The following TCERG1L variants were observed in gnomAD, a reference collection of about 807,000 sequenced individuals.
The protein encoded by TCERG1L is transcription elongation regulator 1 like, also known as transcription elongation regulator 1-like protein.
A neutral mutation model predicts 56.3 loss-of-function variants in TCERG1L; 37 were observed. That is an observed-to-expected ratio of 0.66 (90% CI 0.51 to 0.87). The LOEUF is 0.87. TCERG1L is among the 40% of genes least tolerant of loss of function. The probability of loss-of-function intolerance (pLI) is 0.00; values close to 1 mark genes in which losing one functional copy is unlikely to be tolerated. For missense variants in TCERG1L, 799 were observed against 774.2 expected, an observed-to-expected ratio of 1.03 and a Z score of -0.38; for synonymous variants, 324 against 326.3, an observed-to-expected ratio of 0.99 and a Z score of 0.08.
intron 4 of TCERG1L, among the ~76,000 whole-genome samples, chr10:131,236,442 A>G (rs1430864471): frequency 1.3e-5 from 2 of 152,152 alleles, no homozygotes; most frequent in Non-Finnish European, 2.9e-5. Context: ...GGGGCCACAA[A>G]CCGCATGATG....
intron 4 of TCERG1L, among the ~76,000 whole-genome samples, chr10:131,244,335 A>G (rs1339563055): frequency 6.6e-6 from 1 of 152,182 alleles, no homozygotes; most frequent in Non-Finnish European, 1.5e-5. Flanking sequence ...CACATGGAAC[A>G]GGCACGTGCT....
intron 9 of TCERG1L, among the ~76,000 whole-genome samples, chr10:131,105,445 G>C (rs1428186197): frequency 6.6e-6 from 1 of 152,132 alleles, no homozygotes; most frequent in Non-Finnish European, 1.5e-5. Flanking sequence ...TGTCCTGGGG[G>C]GGATACTCCT....
intron 4 of TCERG1L, among the ~76,000 whole-genome samples, chr10:131,177,558 G>A (rs11017794): frequency 0.034 from 5,230 of 152,312 alleles, 181 homozygotes; most frequent in South Asian, 0.08. Context: ...GTGTCCCGAA[G>A]TGCAGCATGC....
In TCERG1L at chr10:131,103,733, T is replaced by C. The variant is rs1845324841; in HGVS notation, c.1485+532A>G. Among the ~76,000 whole-genome samples, 1 of 152,190 alleles carries C rather than the reference T, an allele frequency of 6.6e-6. No homozygotes were observed. The highest frequency in any genetic ancestry group is 6.5e-5 in the Admixed American group (1 of 15,278). On this transcript the variant is annotated intron_variant, in intron 10 of 11. Coordinates refer to ENST00000368642, the MANE Select transcript of TCERG1L (RefSeq NM_174937.4). This position sits in a 1 kb window ranked among gnomAD's most constrained non-coding sequence, Gnocchi z 4.3. ...ATAAAATAAAAGGTTTTGACGGCCTTGTGTGCAAGACTGTGGTTCTTGTAG... is the reference window on the plus strand; with the variant it reads ...ATAAAATAAAAGGTTTTGACGGCCTCGTGTGCAAGACTGTGGTTCTTGTAG...
At chr10:131,291,401 CTTTTTTTTTTTTTTTTTTTTTTTTT>C (rs71009957) in intron 3 of TCERG1L, among the ~76,000 whole-genome samples, 88 of 36,588 alleles carry the variant, frequency 2.4e-3, no homozygotes, top group South Asian at 0.014. Context: ...AACAGCATTT[CTTTTTTTTTTTTTTTTTTTTTTTTT>C]TTTTTTTTTT....
chr10:131,229,460 G>A (rs938216322), intron 4 of TCERG1L, among the ~76,000 whole-genome samples: 5 of 152,152 alleles, frequency 3.3e-5, no homozygotes, highest in Admixed American at 1.3e-4. Context: ...ATAGGTCTCC[G>A]AAATGCCCCT....
Position 131,311,655 on chromosome 10 carries a change from G to A in TCERG1L, c.-20C>T, listed in dbSNP as rs953075959. ...CTGCATCCTACATCCCCGCGCTGACGGCGGCGGCGGGGGCGGCGGGCGCCC... is the reference window on the plus strand; with the variant it reads ...CTGCATCCTACATCCCCGCGCTGACAGCGGCGGCGGGGGCGGCGGGCGCCC... On this transcript the variant is annotated 5_prime_UTR_variant, in exon 1 of 12. Coordinates refer to ENST00000368642, the MANE Select transcript of TCERG1L (RefSeq NM_174937.4). This position sits in a 1 kb window ranked among gnomAD's most constrained non-coding sequence, Gnocchi z 4.0. The A allele has an allele frequency of 5.4e-6, 6 of 1,102,378 alleles. No homozygotes were observed. The African/African-American group carries it at 8.4e-5, about 15-fold the overall frequency. 68.3% of individuals were successfully genotyped at this position (1,102,378 alleles called of 1,614,324 possible).
chr10:131,141,956 C>T (rs1020875815), intron 7 of TCERG1L, among the ~76,000 whole-genome samples: 1 of 152,210 alleles, frequency 6.6e-6, no homozygotes, highest in African/African-American at 2.4e-5. Flanking sequence ...GCACCGGCTG[C>T]CCTGCAAGCT....
intron 10 of TCERG1L, among the ~76,000 whole-genome samples, chr10:131,102,529 C>T (rs569648304): frequency 6.6e-6 from 1 of 152,290 alleles, no homozygotes; most frequent in Admixed American, 6.5e-5. Context: ...AATTCCCATA[C>T]CCTCCGTCTG....
At chr10:131,202,221 C>T (rs1845445782) in intron 4 of TCERG1L, among the ~76,000 whole-genome samples, 2 of 152,208 alleles carry the variant, frequency 1.3e-5, no homozygotes, top group Non-Finnish European at 2.9e-5. Flanking sequence ...TAGAAACAGA[C>T]TGATGCCCCC....
chr10:131,291,409 T>C (rs1846623635), intron 3 of TCERG1L, among the ~76,000 whole-genome samples: 2 of 47,820 alleles, frequency 4.2e-5, no homozygotes, highest in African/African-American at 2.4e-4. Flanking sequence ...TTCTTTTTTT[T>C]TTTTTTTTTT....
At chr10:131,209,103 A>C (rs1374991666) in intron 4 of TCERG1L, among the ~76,000 whole-genome samples, 1 of 152,104 alleles carries the variant, frequency 6.6e-6, no homozygotes, top group Non-Finnish European at 1.5e-5. Context: ...TTCAGGTACA[A>C]AATTAATAAA....
At chr10:131,099,352 T>C (rs1440492781) in intron 10 of TCERG1L, among the ~76,000 whole-genome samples, 1 of 152,276 alleles carries the variant, frequency 6.6e-6, no homozygotes, top group Non-Finnish European at 1.5e-5. Context: ...AATGGTCATT[T>C]ATAGACTACG....
chr10:131,103,552 G>C lies in TCERG1L; in HGVS notation c.1485+713C>G, dbSNP rs1484122645. The stretch of plus-strand genomic sequence containing the variant: ...CAAAAAGTACAAAAATTAGCCAGGC[G>C]TGGTGGCTGGAGCCTGTAGTCTCAG... On this transcript the variant is annotated intron_variant, in intron 10 of 11. Transcript: ENST00000368642. This position sits in a 1 kb window ranked among gnomAD's most constrained non-coding sequence, Gnocchi z 4.3. 6.6e-6 allele frequency among the ~76,000 whole-genome samples: 1 copy of C among 152,164 alleles called. No homozygotes were observed. Among genetic ancestry groups the C allele is most frequent in the African/African-American group, 2.4e-5 (1 of 41,446 alleles).
intron 4 of TCERG1L, among the ~76,000 whole-genome samples, chr10:131,215,546 G>A (rs147459080): frequency 1.3e-5 from 2 of 152,244 alleles, no homozygotes; most frequent in African/African-American, 2.4e-5. Context: ...ATCTGCACCC[G>A]GCTGGAGGAG....
At chr10:131,122,293 G>A (rs1281554524) in intron 8 of TCERG1L, among the ~76,000 whole-genome samples, 1 of 152,146 alleles carries the variant, frequency 6.6e-6, no homozygotes, top group Non-Finnish European at 1.5e-5. Flanking sequence ...GCCACTCACT[G>A]GGTTCTTAGT....
At chr10:131,148,079 CA>C (rs1564801412) in intron 6 of TCERG1L, among the ~76,000 whole-genome samples, 1 of 152,186 alleles carries the variant, frequency 6.6e-6, no homozygotes, top group African/African-American at 2.4e-5. Flanking sequence ...GTGTGGGAGC[CA>C]AAATGATGGC....
chr10:131,263,424 G>A (rs529873143), intron 3 of TCERG1L, among the ~76,000 whole-genome samples: 19 of 152,262 alleles, frequency 1.2e-4, no homozygotes, highest in African/African-American at 4.1e-4. Flanking sequence ...TTGTTATATT[G>A]CAGTTGTTTG....
rs561247129 is a variant in TCERG1L, at chr10:131,208,016, G to A, written c.857-41131C>T. On this transcript the variant is annotated intron_variant, in intron 4 of 11. Coordinates refer to ENST00000368642, the MANE Select transcript of TCERG1L (RefSeq NM_174937.4). ...ACTTCCACAATGAGCCAACCCACCC[G>A]TGCCACCAAGGCACCCTAGGGACCA... Among the ~76,000 whole-genome samples the A allele has an allele frequency of 5.5e-4, 84 of 152,216 alleles. 1 individual carries two copies. Among genetic ancestry groups the A allele is most frequent in the African/African-American group, 1.8e-3 (74 of 41,542 alleles).
Sources: allele counts gnomAD v4.1 joint callset (sites outside exome capture counted in the v4.1 genomes callset), GRCh38; gene constraint gnomAD v4.1.1; non-coding constraint Gnocchi (gnomAD v3.1); transcripts MANE v1.5; gene names NCBI Gene and HGNC (gene_info 2026-07-23, HGNC 2026-07-21).